Variants in FASTKD3 observed in about 807,000 individuals in gnomAD.
FASTKD3 encodes the protein FAST kinase domains 3, also known as FAST kinase domain-containing protein 3, mitochondrial.
In FASTKD3, 47 loss-of-function variants were observed where a neutral mutation model predicts 49.7. The ratio of observed to expected loss-of-function variants is 0.95; its 90% CI spans 0.75 to 1.21. The LOEUF is 1.21. Among genes scored for constraint, FASTKD3 ranks in the 50% most tolerant of loss-of-function variants. The pLI is 0.00. For missense variants in FASTKD3, 748 were observed against 765.7 expected (o/e 0.98, Z 0.27); for synonymous variants, 284 against 288.6 (o/e 0.98, Z 0.16).
In FASTKD3 at chr5:7,859,259, A is replaced by G. The variant is rs1746363948; in HGVS notation, c.*176T>C. Reference sequence around the variant, plus strand: ...TGACACTAGTATTAAATTAAAATTAATTTTAAATTTTACCACAATAAATGT... The same window carrying G: ...TGACACTAGTATTAAATTAAAATTAGTTTTAAATTTTACCACAATAAATGT... On this transcript the variant is annotated 3_prime_UTR_variant, in exon 7 of 7. Coordinates refer to ENST00000264669, the MANE Select transcript of FASTKD3 (RefSeq NM_024091.4). 1 of 388,176 alleles carries G rather than the reference A, an allele frequency of 2.6e-6. No homozygotes were observed. The highest frequency in any genetic ancestry group is 4.5e-5 in the Admixed American group (1 of 22,330). The allele number at this position is 388,176 out of a possible 1,614,324, so 24.0% of individuals were successfully genotyped here. A position where few individuals can be genotyped will look rare whatever the true frequency, so the allele number is the denominator to read the frequency against.
chr5:7,867,396 T>C lies in FASTKD3; in HGVS notation c.688A>G (p.Ser230Gly), dbSNP rs1339845498. Residue 230 changes from serine (S) to glycine (G), a missense_variant, in exon 2 of 7, where the codon AGT becomes GGT. Ser to Gly is a moderately conservative substitution (Grantham distance 56, BLOSUM62 0). Around this residue, in one of 3 missense-constraint regions of FASTKD3, gnomAD observed 564 missense variants for 562.8 expected, o/e 1.00. Transcript: ENST00000264669. Reference sequence around the variant, plus strand: ...AGTTCTAGTGTCACACAACCTGAACTGTGCAGTGTAATCAGACTTTCCCCA... The same window carrying C: ...AGTTCTAGTGTCACACAACCTGAACCGTGCAGTGTAATCAGACTTTCCCCA... The part of the protein sequence containing the change: ...ILGESLITLH[S>G]SGCVTLELII... 1.2e-6 allele frequency: 2 copies of C among 1,614,228 alleles called. No homozygotes were observed. The highest frequency in any genetic ancestry group is 8.5e-7 in the Non-Finnish European group (1 of 1,180,048).
intron 3 of FASTKD3, among the ~76,000 whole-genome samples, chr5:7,863,730 T>C (rs1746715037): frequency 6.6e-6 from 1 of 152,204 alleles, no homozygotes; most frequent in African/African-American, 2.4e-5. Flanking sequence ...TAAATTAAAC[T>C]TCTGTCATCC....
Position 7,867,746 on chromosome 5 carries a change from T to A in FASTKD3, c.338A>T (p.Glu113Val). The change falls in exon 2 of 7, where the codon GAA (glutamate) becomes GTA (valine). Residue 113 changes from glutamate (E) to valine (V), a missense_variant. Glu to Val is a moderately radical substitution (Grantham distance 121). Transcript: ENST00000264669. ...CGTGCTTATAAAACTTAGCACTTCT[T>A]CTGATGAAGTCAAGTTGCTCAGTCT... Reference protein sequence around the residue: ...YRRLSNLTSSEEVLSFISTME... With the variant: ...YRRLSNLTSSVEVLSFISTME... 6.2e-7 allele frequency: 1 copy of A among 1,614,246 alleles called. No homozygotes were observed. Among genetic ancestry groups the A allele is most frequent in the African/African-American group, 1.3e-5 (1 of 75,062 alleles).
In FASTKD3 at chr5:7,862,819, T is replaced by G. The variant is rs201960576; in HGVS notation, c.1699+4A>C. On this transcript the variant is annotated splice_donor_region_variant and intron_variant, in intron 4 of 6. Transcript: ENST00000264669. ...AAAACAACAAAACTCCTTATACTAC[T>G]TACCTATTGTATAACAATAGGGTGT... 1.9e-6 allele frequency: 3 copies of G among 1,605,408 alleles called. No individual in the cohort carries two copies. Among genetic ancestry groups the G allele is most frequent in the African/African-American group, 1.3e-5 (1 of 74,562 alleles).
At chr5:7,864,617 C>A (rs1467970600) in intron 3 of FASTKD3, among the ~76,000 whole-genome samples, 1 of 152,028 alleles carries the variant, frequency 6.6e-6, no homozygotes, top group African/African-American at 2.4e-5. Context: ...ATGTAAATGG[C>A]CAACACATAT....
chr5:7,866,167 C>G (rs1428788165), intron 2 of FASTKD3, among the ~76,000 whole-genome samples, 184 bp from the exon 3 acceptor site: 1 of 152,080 alleles, frequency 6.6e-6, no homozygotes, highest in Non-Finnish European at 1.5e-5. Context: ...AATTGACTTC[C>G]AAGAACCCAA....
In FASTKD3 at chr5:7,866,000, C is replaced by A. The variant is rs751583548; in HGVS notation, c.1439-17G>T. 5.6e-6 allele frequency: 9 copies of A among 1,601,016 alleles called. No homozygotes were observed. Among genetic ancestry groups the A allele is most frequent in the Admixed American group, 5.0e-5 (3 of 59,650 alleles). ...ATTCTTTACCTGAAACAGAAAGCAT[C>A]CCAGTCATAGTTACGTCTGAATTGA... is the stretch of plus-strand genomic sequence containing the variant. On this transcript the variant is annotated splice_polypyrimidine_tract_variant and intron_variant, in intron 2 of 6. Transcript: ENST00000264669.
In FASTKD3 at chr5:7,859,844, A is replaced by G. The variant is rs546473235; in HGVS notation, c.1885-305T>C. ...TGGCAAGTTAAATTACACAATAAAT[A>G]TAAAAAACAAGCTGTAGGTTGGTGA... On this transcript the variant is annotated intron_variant, in intron 6 of 6. Coordinates refer to ENST00000264669, the MANE Select transcript of FASTKD3 (RefSeq NM_024091.4). 7.5e-4 allele frequency among the ~76,000 whole-genome samples: 114 copies of G among 152,370 alleles called. 5 individuals carry two copies. The South Asian group carries it at 0.022, about 30-fold the overall frequency.
chr5:7,867,900 A>T lies in FASTKD3; in HGVS notation c.184T>A (p.Cys62Ser). Reference sequence around the variant, plus strand: ...CCATTTTTCGAATGAAACTTTTTACAATGGGCATGATGGAATTTGACCCCG... The same window carrying T: ...CCATTTTTCGAATGAAACTTTTTACTATGGGCATGATGGAATTTGACCCCG... ...PFGVKFHHAH[C>S]KKFHSKNGND... The change falls in exon 2 of 7, where the codon TGT becomes AGT. Residue 62 changes from cysteine to serine, a missense_variant. Transcript: ENST00000264669. The T allele has an allele frequency of 6.2e-7, 1 of 1,614,156 alleles. No individual in the cohort carries two copies. Among genetic ancestry groups the T allele is most frequent in the Non-Finnish European group, 8.5e-7 (1 of 1,180,022 alleles).
Position 7,861,180 on chromosome 5 carries a change from T to C in FASTKD3, c.1853A>G (p.His618Arg). The C allele has an allele frequency of 6.2e-7, 1 of 1,612,046 alleles. No homozygotes were observed. ...LLGKEAIKQR[H>R]LQLLGYQVVQ... ...AACTTGATAACCGAGTAACTGTAGG[T>C]GTCTTTGTTTAATAGCTTCTTTCCC... Residue 618 changes from histidine to arginine, a missense_variant, in exon 6 of 7, where the codon CAC (histidine) becomes CGC (arginine). By Grantham distance (29) the His-to-Arg change is conservative. Coordinates refer to ENST00000264669, the MANE Select transcript of FASTKD3 (RefSeq NM_024091.4).
rs756128288 is a variant in FASTKD3, at chr5:7,867,775, G to C, written c.309C>G (p.Tyr103Ter). Residue 103 changes from tyrosine to a stop codon, truncating the protein, a stop_gained, in exon 2 of 7, where the codon TAC becomes TAG. Coordinates refer to ENST00000264669, the MANE Select transcript of FASTKD3 (RefSeq NM_024091.4). LOFTEE classifies it high-confidence loss of function. The part of the protein sequence containing the change: ...NVKNEESQMF[Y>*]RRLSNLTSSE... ...ATGAAGTCAAGTTGCTCAGTCTCCT[G>C]TAAAACATCTGACTCTCCTCATTTT... The C allele has an allele frequency of 6.2e-7, 1 of 1,614,190 alleles. No individual in the cohort carries two copies. Among genetic ancestry groups the C allele is most frequent in the South Asian group, 1.1e-5 (1 of 91,086 alleles).
chr5:7,864,920 CAAG>C (rs1418479681), intron 3 of FASTKD3, among the ~76,000 whole-genome samples: 1 of 151,932 alleles, frequency 6.6e-6, no homozygotes, highest in African/African-American at 2.4e-5. Context: ...ACAGGATTTG[CAAG>C]AATGTTTATT....
chr5:7,862,874 C>T lies in FASTKD3; in HGVS notation c.1648G>A (p.Ala550Thr), dbSNP rs145277052. Residue 550 changes from alanine (A) to threonine (T), a missense_variant, in exon 4 of 7, where the codon GCA becomes ACA. Coordinates refer to ENST00000264669, the MANE Select transcript of FASTKD3 (RefSeq NM_024091.4). ...ACTTTTGGAGCAAAATATAATCTTG[C>T]TCCTAAAAGGTTAGTCAGCCCAATC... Reference protein sequence around the residue: ...VKIGLTNLLGARLYFAPKVLT... With the variant: ...VKIGLTNLLGTRLYFAPKVLT... 1.5e-3 allele frequency: 2,361 copies of T among 1,613,952 alleles called. 1 individual carries two copies. The highest frequency in any genetic ancestry group is 4.8e-3 in the Admixed American group (290 of 59,994).
chr5:7,868,792 A>C (rs1384623698), intron 1 of FASTKD3, among the ~76,000 whole-genome samples, 187 bp downstream of exon 1: 1 of 152,246 alleles, frequency 6.6e-6, no homozygotes, highest in Non-Finnish European at 1.5e-5. Flanking sequence ...CAAGACAGAC[A>C]GACGGGAGGC....
intron 4 of FASTKD3, among the ~76,000 whole-genome samples, chr5:7,862,368 C>A (rs1746613425): frequency 1.3e-5 from 2 of 152,104 alleles, no homozygotes; most frequent in African/African-American, 2.4e-5. Flanking sequence ...TGAGCACTTA[C>A]AATGTGACTG....
chr5:7,866,409 C>A (rs570636799), intron 2 of FASTKD3, among the ~76,000 whole-genome samples: 32 of 152,116 alleles, frequency 2.1e-4, no homozygotes, highest in African/African-American at 6.7e-4. Context: ...CCTAAGAATG[C>A]TGCAATTTCT....
rs1455522649 is a variant in FASTKD3 at position 7,867,128 on chromosome 5, C to T, written c.956G>A (p.Gly319Asp). 3 of 1,614,004 alleles carry T rather than the reference C, an allele frequency of 1.9e-6. No homozygotes were observed. Among genetic ancestry groups the T allele is most frequent in the Non-Finnish European group, 2.5e-6 (3 of 1,180,042 alleles). ...TGGGACATGCCTCACGACATATTTG[C>T]CCAATTTTATAATCAGAGGAAATGC... ...SQAFPLIIKLGKYVVRHVPHF... is the reference protein window; with the variant it reads ...SQAFPLIIKLDKYVVRHVPHF... Residue 319 changes from glycine (G) to aspartate (D), a missense_variant, in exon 2 of 7, where the codon GGC becomes GAC. Physicochemically the swap from Gly to Asp is moderately conservative, Grantham distance 94. This residue lies in a region of FASTKD3 where 564 missense variants were observed against 562.8 expected (regional missense o/e 1.00). Coordinates refer to ENST00000264669, the MANE Select transcript of FASTKD3 (RefSeq NM_024091.4).
chr5:7,867,319 A>C lies in FASTKD3; in HGVS notation c.765T>G (p.Asp255Glu). The C allele has an allele frequency of 6.2e-7, 1 of 1,613,974 alleles. No homozygotes were observed. Among genetic ancestry groups the C allele is most frequent in the Middle Eastern group, 1.6e-4 (1 of 6,062 alleles). ...GEKLETFTPE[D>E]IVALYRILQA... ...GCAAGATTCTATAAAGGGCCACAAT[A>C]TCCTCCGGGGTAAATGTTTCCAATT... The change falls in exon 2 of 7, where the codon GAT (aspartate) becomes GAG (glutamate). Residue 255 changes from aspartate to glutamate, a missense_variant. Physicochemically the swap from Asp to Glu is conservative, Grantham distance 45 (BLOSUM62 2). Transcript: ENST00000264669.
rs141611129 is a variant in FASTKD3 at position 7,860,627 on chromosome 5, C to T, written c.1884+522G>A. On this transcript the variant is annotated intron_variant, in intron 6 of 6. Coordinates refer to ENST00000264669, the MANE Select transcript of FASTKD3 (RefSeq NM_024091.4). ...TTGGGATTTAAACTAGACGTAAGAT[C>T]GGTGGTCCACTGGGCTGGCAAACCA... Among the ~76,000 whole-genome samples, 365 of 152,258 alleles carry T rather than the reference C, an allele frequency of 2.4e-3. 2 individuals carry two copies. Among genetic ancestry groups the T allele is most frequent in the African/African-American group, 8.5e-3 (355 of 41,544 alleles).
Sources: allele counts gnomAD v4.1 joint callset (sites outside exome capture counted in the v4.1 genomes callset), GRCh38; gene constraint gnomAD v4.1.1; regional missense constraint gnomAD v4.1.1; transcripts MANE v1.5; gene names NCBI Gene and HGNC (gene_info 2026-07-23, HGNC 2026-07-21).